PKP2: variants seen among roughly 807,000 people sequenced by gnomAD.
PKP2 encodes the protein plakophilin-2.
A neutral mutation model predicts 83.4 loss-of-function variants in PKP2; 73 were observed. That is an observed-to-expected ratio of 0.88 (90% CI 0.72 to 1.06). The LOEUF (loss-of-function observed/expected upper bound fraction) is 1.06, where lower values mean the gene tolerates loss of function less well. Among genes scored for constraint, PKP2 ranks in the 50% least tolerant of loss-of-function variants. The probability of loss-of-function intolerance (pLI) is 0.00; values close to 1 mark genes in which losing one functional copy is unlikely to be tolerated. For missense variants in PKP2, 966 were observed against 1,065.4 expected, an observed-to-expected ratio of 0.91 and a Z score of 1.30; for synonymous variants, 409 against 430.4, an observed-to-expected ratio of 0.95 and a Z score of 0.62.
chr12:32,877,656 G>C (rs1471968149), intron 3 of PKP2, among the ~76,000 whole-genome samples, 190 bp downstream of exon 3: 1 of 152,208 alleles, frequency 6.6e-6, no homozygotes, highest in Admixed American at 6.5e-5. Flanking sequence ...TGAGCAGGTA[G>C]CTTGGCCCCT....
Position 32,866,550 on chromosome 12 carries a change from C to CAAAAA in PKP2, c.1170+2372_1170+2376dup, listed in dbSNP as rs56079220. Among the ~76,000 whole-genome samples, 20 of 36,208 alleles carry CAAAAA rather than the reference C, an allele frequency of 5.5e-4. 1 individual carries two copies. The highest frequency in any genetic ancestry group is 2.4e-3 in the African/African-American group (18 of 7,422). The allele number at this position is 36,208 out of a possible 152,430, so 23.8% of individuals were successfully genotyped here. ...TGGGCAACAGAGGCAGATCCTTTCTCAAAAAAAAAAAAAAAAAAAAAAAAA... is the reference window on the plus strand; with the variant it reads ...TGGGCAACAGAGGCAGATCCTTTCTCAAAAAAAAAAAAAAAAAAAAAAAAAAAAAA... On this transcript the variant is annotated intron_variant, in intron 4 of 12. Transcript: ENST00000340811.
rs770909247 is a variant in PKP2 at position 32,821,517 on chromosome 12, C to T, written c.1852G>A (p.Val618Met). The T allele has an allele frequency of 2.2e-5, 35 of 1,613,912 alleles. No individual in the cohort carries two copies. Among genetic ancestry groups the T allele is most frequent in the South Asian group, 3.3e-5 (3 of 91,078 alleles). Residue 618 changes from valine to methionine, a missense_variant, in exon 9 of 13, where the codon GTG (valine) becomes ATG (methionine). Coordinates refer to ENST00000340811, the MANE Select transcript of PKP2 (RefSeq NM_001005242.3). The part of the protein sequence containing the change: ...SRKVKEQYQD[V>M]PMPEEKSNPK... ...TTGCTCTTTTCCTCCGGCATCGGCACGTCCTGGTATTGCTGACCACACACA... is the reference window on the plus strand; with the variant it reads ...TTGCTCTTTTCCTCCGGCATCGGCATGTCCTGGTATTGCTGACCACACACA...
chr12:32,879,482 A>G (rs1956966024), intron 1 of PKP2, among the ~76,000 whole-genome samples: 1 of 152,014 alleles, frequency 6.6e-6, no homozygotes, highest in Non-Finnish European at 1.5e-5. Flanking sequence ...CAGTGAGCCA[A>G]GATCACACAA....
At chr12:32,893,083 T>C (rs1277714235) in intron 1 of PKP2, among the ~76,000 whole-genome samples, 1 of 152,146 alleles carries the variant, frequency 6.6e-6, no homozygotes, top group Non-Finnish European at 1.5e-5. Flanking sequence ...CACTGAGTGA[T>C]TTACAATGAA....
In PKP2 at chr12:32,810,775, G is replaced by T. The variant is rs1489959103; in HGVS notation, c.2014-8219C>A. Among the ~76,000 whole-genome samples the T allele has an allele frequency of 6.0e-5, 2 of 33,286 alleles. 1 individual carries two copies. The highest frequency in any genetic ancestry group is 1.2e-4 in the African/African-American group (2 of 16,148). 21.8% of individuals were successfully genotyped at this position (33,286 alleles called of 152,430 possible). A position where few individuals can be genotyped will look rare whatever the true frequency, so the allele number is the denominator to read the frequency against. ...CGGCTCACTGCAAGCTCCGCCTCCC[G>T]GGTTCACGCCATTCTCCTGCCTCAG... On this transcript the variant is annotated intron_variant, in intron 9 of 12. Transcript: ENST00000340811.
intron 6 of PKP2, among the ~76,000 whole-genome samples, chr12:32,835,665 A>C (rs376100565): frequency 6.6e-6 from 1 of 152,372 alleles, no homozygotes; most frequent in African/African-American, 2.4e-5. Context: ...GGAATGTTTT[A>C]GAGAAATATG....
intron 9 of PKP2, among the ~76,000 whole-genome samples, chr12:32,818,855 T>A (rs887388420): frequency 6.6e-6 from 1 of 152,230 alleles, no homozygotes. Context: ...GTTTTCCTAT[T>A]CAATGATTCC....
intron 5 of PKP2, among the ~76,000 whole-genome samples, chr12:32,843,518 C>T (rs1220906310): frequency 6.6e-6 from 1 of 152,220 alleles, no homozygotes; most frequent in Admixed American, 6.5e-5. Flanking sequence ...GTCTTTTGGG[C>T]TTAAACAGTT....
intron 6 of PKP2, among the ~76,000 whole-genome samples, 167 bp downstream of exon 6, chr12:32,840,861 G>A (rs539272089): frequency 8.5e-5 from 13 of 152,080 alleles, no homozygotes; most frequent in Non-Finnish European, 1.2e-4. Flanking sequence ...CTGGGCAACA[G>A]AGCGAGACTC....
intron 9 of PKP2, among the ~76,000 whole-genome samples, chr12:32,817,228 A>T (rs2137760938): frequency 6.6e-6 from 1 of 152,362 alleles, no homozygotes; most frequent in South Asian, 2.1e-4. Flanking sequence ...CTGGCTAGTC[A>T]TATGCAGAAC....
intron 4 of PKP2, among the ~76,000 whole-genome samples, chr12:32,857,440 A>G (rs1956759951): frequency 6.6e-6 from 1 of 151,532 alleles, no homozygotes; most frequent in Non-Finnish European, 1.5e-5. Flanking sequence ...AAAAAGAAAA[A>G]AGAGAGAGAG....
chr12:32,826,435 C>A (rs1956443287), intron 6 of PKP2, among the ~76,000 whole-genome samples: 1 of 151,954 alleles, frequency 6.6e-6, no homozygotes, highest in South Asian at 2.1e-4. Flanking sequence ...TTTTAACCCT[C>A]AAAAATGGCA....
chr12:32,795,289 G>C (rs34000910), intron 11 of PKP2, among the ~76,000 whole-genome samples: 2 of 150,986 alleles, frequency 1.3e-5, no homozygotes. Context: ...ATGCGGAAGA[G>C]ATAAGACAGA....
At chr12:32,850,997 T>C (rs749194063) in intron 4 of PKP2, 24 bp from the exon 5 acceptor site, 1 of 1,591,356 alleles carries the variant, frequency 6.3e-7, no homozygotes, top group East Asian at 2.2e-5. Flanking sequence ...AGATGCATAT[T>C]TCTAATATTA....
At position 32,798,453 on chromosome 12, in the gene PKP2, T is replaced by C. The variant is rs190206944; in HGVS notation, c.2168-2155A>G. Among the ~76,000 whole-genome samples, 370 of 151,418 alleles carry C rather than the reference T, an allele frequency of 2.4e-3. 10 individuals are homozygous for C. The highest frequency in any genetic ancestry group is 7.1e-4 in the Non-Finnish European group (48 of 67,944). On this transcript the variant is annotated intron_variant, in intron 10 of 12. Coordinates refer to ENST00000340811, the MANE Select transcript of PKP2 (RefSeq NM_001005242.3). ...ACTTTTCTACTATGTATATAACTTC[T>C]TGGTTATAAGTTTTGAGTTTGGCTT...
intron 3 of PKP2, among the ~76,000 whole-genome samples, chr12:32,877,388 A>G (rs1956940934): frequency 6.6e-6 from 1 of 152,236 alleles, no homozygotes; most frequent in Non-Finnish European, 1.5e-5. Flanking sequence ...GGAAGAAAAA[A>G]GACATCTAGA....
intron 9 of PKP2, among the ~76,000 whole-genome samples, chr12:32,814,906 CAG>C (rs1485363636): frequency 6.6e-6 from 1 of 151,714 alleles, no homozygotes; most frequent in African/African-American, 2.4e-5. Flanking sequence ...CCCTAGGCGA[CAG>C]AGTGAGACTC....
intron 9 of PKP2, among the ~76,000 whole-genome samples, chr12:32,811,922 T>C (rs1281888030): frequency 6.6e-6 from 1 of 152,042 alleles, no homozygotes; most frequent in Non-Finnish European, 1.5e-5. Context: ...GCAAAGAGAG[T>C]AAGCAACCAA....
intron 8 of PKP2, 86 bp from the exon 9 acceptor site, chr12:32,821,615 T>C (rs1956379925): frequency 7.5e-7 from 1 of 1,333,282 alleles, no homozygotes. Flanking sequence ...CCAGAAATAC[T>C]GTCTAGAAAG....
Sources: gnomAD v4.1 joint callset for allele counts (sites outside exome capture counted in the v4.1 genomes callset) on GRCh38, gnomAD v4.1.1 for gene constraint, MANE v1.5 for transcripts, NCBI Gene and HGNC (gene_info 2026-07-23, HGNC 2026-07-21) for gene names.